TANC1: variants seen among roughly 807,000 people sequenced by gnomAD.
TANC1 encodes the protein protein TANC1.
TANC1 carries 77 observed loss-of-function variants against 149.7 expected under a neutral mutation model. The ratio of observed to expected loss-of-function variants is 0.51; its 90% CI spans 0.43 to 0.62. The LOEUF (loss-of-function observed/expected upper bound fraction) is 0.62, where lower values mean the gene tolerates loss of function less well. TANC1 is among the 20% of genes least tolerant of loss of function. The pLI, the probability that TANC1 is intolerant of heterozygous loss-of-function variation, is 0.00. For missense variants in TANC1, 1,985 were observed against 2,321.8 expected, an observed-to-expected ratio of 0.85 and a Z score of 2.98; for synonymous variants, 854 against 925.0, an observed-to-expected ratio of 0.92 and a Z score of 1.39.
chr2:158,971,538 A>G (rs940253662), intron 1 of TANC1, among the ~76,000 whole-genome samples: 3 of 152,202 alleles, frequency 2.0e-5, no homozygotes, highest in Non-Finnish European at 4.4e-5. Flanking sequence ...TGTCTCTTAA[A>G]TGCATATTTC....
At chr2:159,015,670 G>T (rs1269431826) in intron 2 of TANC1, among the ~76,000 whole-genome samples, 1 of 152,154 alleles carries the variant, frequency 6.6e-6, no homozygotes, top group Non-Finnish European at 1.5e-5. Context: ...CCTTTTGAAT[G>T]CTTTGCTGCT....
At chr2:159,133,344 CT>C (rs796553146) in intron 4 of TANC1, among the ~76,000 whole-genome samples, 2,557 of 96,922 alleles carry the variant, frequency 0.026, 55 homozygotes, top group African/African-American at 0.064. Context: ...GTTCTGGTTC[CT>C]TTTTTTTTTT....
chr2:159,202,250 C>T (rs1201378472), intron 19 of TANC1, among the ~76,000 whole-genome samples: 2 of 152,132 alleles, frequency 1.3e-5, no homozygotes, highest in Non-Finnish European at 2.9e-5. Context: ...GCTGGTGACC[C>T]TGAGTCAATG....
chr2:159,010,171 C>CA (rs2037611689), intron 2 of TANC1, among the ~76,000 whole-genome samples: 1 of 152,164 alleles, frequency 6.6e-6, no homozygotes, highest in South Asian at 2.1e-4. Flanking sequence ...TGGCAGTATT[C>CA]AGCCCTGGAG....
At chr2:159,228,707 G>A (rs879274728) in intron 25 of TANC1, 89 bp from the exon 26 acceptor site, 15 of 869,076 alleles carry the variant, frequency 1.7e-5, no homozygotes, top group Admixed American at 8.0e-5. Context: ...GCCTCAGAGC[G>A]CTGCTACCCT....
chr2:159,146,181 C>T (rs2052061654), intron 5 of TANC1, among the ~76,000 whole-genome samples: 1 of 152,194 alleles, frequency 6.6e-6, no homozygotes, highest in Non-Finnish European at 1.5e-5. Context: ...AGTGACACTT[C>T]TCCCAGGCGG....
Position 159,163,358 on chromosome 2 carries a change from G to A in TANC1, c.758G>A (p.Arg253Lys), listed in dbSNP as rs1172896050. 6 of 1,614,214 alleles carry A rather than the reference G, an allele frequency of 3.7e-6. No individual in the cohort carries two copies. The highest frequency in any genetic ancestry group is 3.3e-5 in the South Asian group (3 of 91,084). The change falls in exon 8 of 27, where the codon AGA becomes AAA. Residue 253 changes from arginine to lysine, a missense_variant. Coordinates refer to ENST00000263635, the MANE Select transcript of TANC1 (RefSeq NM_033394.3). ...SLEWNKDGNL[R>K]LGVQKGVLHD... ...GAATGGAATAAAGATGGAAACCTAA[G>A]ATTAGGGGTTCAGAAGGGAGTGCTT... is the stretch of plus-strand genomic sequence containing the variant.
At chr2:159,013,098 TC>T (rs1403429189) in intron 2 of TANC1, among the ~76,000 whole-genome samples, 1 of 152,180 alleles carries the variant, frequency 6.6e-6, no homozygotes, top group Non-Finnish European at 1.5e-5. Context: ...ATTGTTCTGG[TC>T]ATTCTTTTTG....
intron 1 of TANC1, among the ~76,000 whole-genome samples, chr2:158,995,987 C>G (rs1237803709): frequency 1.3e-5 from 2 of 152,202 alleles, no homozygotes; most frequent in Non-Finnish European, 2.9e-5. Context: ...TGGAAGAATT[C>G]TCTGTAAGGT....
intron 4 of TANC1, among the ~76,000 whole-genome samples, chr2:159,104,786 C>T (rs1164594372): frequency 9.6e-6 from 1 of 104,396 alleles, no homozygotes; most frequent in African/African-American, 3.0e-5. Flanking sequence ...TGGTCTTGAA[C>T]TCCTGGCCTC....
chr2:159,214,001 C>A (rs1229260761), intron 19 of TANC1, among the ~76,000 whole-genome samples: 1 of 151,890 alleles, frequency 6.6e-6, no homozygotes, highest in Non-Finnish European at 1.5e-5. Flanking sequence ...GGGCTCGTGC[C>A]TGTAATCCCA....
intron 2 of TANC1, among the ~76,000 whole-genome samples, chr2:159,040,414 G>C (rs1354807161): frequency 6.6e-6 from 1 of 152,126 alleles, no homozygotes. Context: ...TGTAGATTTG[G>C]TCTTTTCACA....
At chr2:159,064,752 A>G (rs1318673321) in intron 2 of TANC1, among the ~76,000 whole-genome samples, 5 of 152,096 alleles carry the variant, frequency 3.3e-5, no homozygotes, top group African/African-American at 1.2e-4. Flanking sequence ...ACCCTTCTCA[A>G]CGGGTGCCAC....
intron 2 of TANC1, among the ~76,000 whole-genome samples, chr2:159,011,353 A>G (rs1319498255): frequency 2.6e-5 from 4 of 152,100 alleles, no homozygotes; most frequent in African/African-American, 9.7e-5. Flanking sequence ...AACCTTTTTT[A>G]AAGATAGTAA....
chr2:159,147,149 C>G (rs1400047223), intron 5 of TANC1, among the ~76,000 whole-genome samples: 2 of 152,164 alleles, frequency 1.3e-5, no homozygotes, highest in South Asian at 2.1e-4. Context: ...CAGCTGCTCT[C>G]TCTGCCTCCA....
intron 22 of TANC1, among the ~76,000 whole-genome samples, chr2:159,221,615 C>T (rs961168161): frequency 3.3e-5 from 5 of 152,204 alleles, no homozygotes; most frequent in Non-Finnish European, 7.3e-5. Context: ...GCTTATTTCA[C>T]TTAGCCATAA....
intron 2 of TANC1, among the ~76,000 whole-genome samples, chr2:159,062,847 G>A (rs1404024829): frequency 1.3e-5 from 2 of 151,184 alleles, no homozygotes; most frequent in East Asian, 1.9e-4. Flanking sequence ...GGTGCCTGTA[G>A]TCCCAGCTAC....
At chr2:159,125,589 T>TCCCTC (rs1559306129) in intron 4 of TANC1, among the ~76,000 whole-genome samples, 6 of 28,610 alleles carry the variant, frequency 2.1e-4, no homozygotes, top group Non-Finnish European at 5.6e-4. Context: ...CTCCCTCCCT[T>TCCCTC]CCTTCCTTCC....
chr2:159,091,967 G>GT (rs1182802668), intron 3 of TANC1, among the ~76,000 whole-genome samples: 1 of 146,754 alleles, frequency 6.8e-6, no homozygotes, highest in Non-Finnish European at 1.5e-5. Flanking sequence ...AATATAGGGG[G>GT]GGGTGTGTGT....
Sources: gnomAD v4.1 joint callset for allele counts (sites outside exome capture counted in the v4.1 genomes callset) on GRCh38, gnomAD v4.1.1 for gene constraint, MANE v1.5 for transcripts, NCBI Gene and HGNC (gene_info 2026-07-23, HGNC 2026-07-21) for gene names.